Variants in EXT1 observed in about 807,000 individuals in gnomAD.
EXT1 encodes exostosin-1.
In EXT1, 20 loss-of-function variants were observed where a neutral mutation model predicts 82.5. That is an observed-to-expected ratio of 0.24 (90% CI 0.17 to 0.35). The LOEUF is 0.35. EXT1 is among the 10% of genes least tolerant of loss of function. The probability of loss-of-function intolerance (pLI) is 1.00; values close to 1 mark genes in which losing one functional copy is unlikely to be tolerated. For synonymous variants in EXT1, 348 were observed against 350.8 expected (o/e 0.99, Z 0.09); for missense variants, 757 against 936.5 (o/e 0.81, Z 2.50).
At chr8:117,941,648 C>T (rs4876395) in intron 1 of EXT1, among the ~76,000 whole-genome samples, 14,257 of 152,250 alleles carry the variant, frequency 0.094, 980 homozygotes, top group East Asian at 0.2. Context: ...AGAGACCTGG[C>T]ACAGAAGAGC....
At chr8:118,092,952 C>T (rs1432968509) in intron 1 of EXT1, among the ~76,000 whole-genome samples, 1 of 152,148 alleles carries the variant, frequency 6.6e-6, no homozygotes, top group Non-Finnish European at 1.5e-5. Flanking sequence ...CCAGGCCACA[C>T]CATGCCTGGG....
intron 1 of EXT1, among the ~76,000 whole-genome samples, chr8:117,999,545 T>C (rs1487731329): frequency 6.6e-6 from 1 of 152,234 alleles, no homozygotes; most frequent in Admixed American, 6.5e-5. Context: ...TCCTCTAATA[T>C]GCTTAAAATT....
In EXT1 at chr8:117,795,239, G is replaced by C. The variant is rs1823073240; in HGVS notation, c.*4473C>G. 6.6e-6 allele frequency: 1 copy of C among 152,128 alleles called. No homozygotes were observed. Among genetic ancestry groups the C allele is most frequent in the Admixed American group, 6.5e-5 (1 of 15,276 alleles). 9.4% of individuals were successfully genotyped at this position (152,128 alleles called of 1,614,324 possible). A position where few individuals can be genotyped will look rare whatever the true frequency, so the allele number is the denominator to read the frequency against. On this transcript the variant is annotated 3_prime_UTR_variant, in exon 11 of 11. Transcript: ENST00000378204. Reference sequence around the variant, plus strand: ...TTCCAATTCTGGGTAGCTCACTGAGGTTCCTGATATAAAATGTATTGGAAC... The same window carrying C: ...TTCCAATTCTGGGTAGCTCACTGAGCTTCCTGATATAAAATGTATTGGAAC...
In EXT1 at chr8:118,110,276, A is replaced by C. The variant is rs1459918732; in HGVS notation, c.771T>G (p.Pro257=). The part of the protein sequence containing the change: ...ERGFLKFNTI[P]PLRKYMLVFK... Reference sequence around the variant, plus strand: ...ATACCAGCATGTACTTCCTGAGAGGAGGGATGGTGTTGAACTTCAAAAACC... The same window carrying C: ...ATACCAGCATGTACTTCCTGAGAGGCGGGATGGTGTTGAACTTCAAAAACC... Residue 257 remains proline, a synonymous_variant, in exon 1 of 11, where the codon CCT becomes CCG. Coordinates refer to ENST00000378204, the MANE Select transcript of EXT1 (RefSeq NM_000127.3). The C allele has an allele frequency of 1.9e-6, 3 of 1,613,896 alleles. No individual in the cohort carries two copies. Among genetic ancestry groups the C allele is most frequent in the East Asian group, 2.2e-5 (1 of 44,868 alleles).
intron 1 of EXT1, among the ~76,000 whole-genome samples, chr8:117,977,909 C>T (rs1005282070): frequency 6.6e-6 from 1 of 152,160 alleles, no homozygotes; most frequent in African/African-American, 2.4e-5. Context: ...AGGGGAGCTA[C>T]GTATTGTCCA....
chr8:118,110,820 G>A lies in EXT1; in HGVS notation c.227C>T (p.Ser76Phe), dbSNP rs1409426317. The A allele has an allele frequency of 1.2e-6, 2 of 1,612,792 alleles. No homozygotes were observed. Among genetic ancestry groups the A allele is most frequent in the East Asian group, 2.2e-5 (1 of 44,878 alleles). Residue 76 changes from serine (S) to phenylalanine (F), a missense_variant, in exon 1 of 11, where the codon TCC (serine) becomes TTC (phenylalanine). This residue lies in a region of EXT1 where 175 missense variants were observed against 159.0 expected (regional missense o/e 1.10). Coordinates refer to ENST00000378204, the MANE Select transcript of EXT1 (RefSeq NM_000127.3). Reference sequence around the variant, plus strand: ...CTGCCGGGGGGAAATGTGCACGCTGGAATCCTCGTTTTCCAATTGATCCCA... The same window carrying A: ...CTGCCGGGGGGAAATGTGCACGCTGAAATCCTCGTTTTCCAATTGATCCCA... ...VPWDQLENED[S>F]SVHISPRQKR...
At chr8:117,977,092 T>C (rs539962369) in intron 1 of EXT1, among the ~76,000 whole-genome samples, 3 of 152,258 alleles carry the variant, frequency 2.0e-5, no homozygotes, top group African/African-American at 7.2e-5. Flanking sequence ...TTTAAAAAGA[T>C]GACCATATAT....
rs183996606 is a variant in EXT1, at chr8:117,864,046, C to G, written c.963-26845G>C. ...CAACAGGTTGTATGGAATTTTCCTG[C>G]ACTGACATATTAGCAAGACAATTCT... On this transcript the variant is annotated intron_variant, in intron 1 of 10. Transcript: ENST00000378204. 7.2e-5 allele frequency among the ~76,000 whole-genome samples: 11 copies of G among 152,254 alleles called. No individual in the cohort carries two copies. The East Asian group carries it at 2.1e-3, about 29-fold the overall frequency.
rs1251987122 is a variant in EXT1, at chr8:118,111,652, T to C, written c.-606A>G. ...CCAAGACTCCGGCGGTGTTTACTCC[T>C]GCGCTCGCGGGGCCGGCCCCCGGGA... On this transcript the variant is annotated 5_prime_UTR_variant, in exon 1 of 11. Transcript: ENST00000378204. The C allele has an allele frequency of 2.6e-6, 1 of 383,596 alleles. No homozygotes were observed. Among genetic ancestry groups the C allele is most frequent in the Non-Finnish European group, 4.6e-6 (1 of 216,962 alleles). 23.8% of individuals were successfully genotyped at this position (383,596 alleles called of 1,614,324 possible). A position where few individuals can be genotyped will look rare whatever the true frequency, so the allele number is the denominator to read the frequency against.
chr8:117,819,909 TC>T (rs1424564882), intron 5 of EXT1, 115 bp from the exon 6 acceptor site: 1 of 973,018 alleles, frequency 1.0e-6, no homozygotes, highest in Non-Finnish European at 1.6e-6. Context: ...CTGGATGATT[TC>T]TCCTTTGCTT....
chr8:117,901,457 T>G (rs1448201289), intron 1 of EXT1, among the ~76,000 whole-genome samples: 2 of 152,060 alleles, frequency 1.3e-5, no homozygotes, highest in African/African-American at 4.8e-5. Context: ...TCTGGGTGAG[T>G]GAGTGCTGAG....
intron 1 of EXT1, among the ~76,000 whole-genome samples, chr8:117,858,103 G>A (rs916257370): frequency 1.3e-5 from 2 of 152,210 alleles, no homozygotes; most frequent in African/African-American, 2.4e-5. Flanking sequence ...AGCAAATAAA[G>A]TGGTTTCTTG....
chr8:117,930,292 C>T (rs1005752284), intron 1 of EXT1, among the ~76,000 whole-genome samples: 5 of 151,832 alleles, frequency 3.3e-5, no homozygotes, highest in African/African-American at 9.7e-5. Flanking sequence ...ATGTGGGGAG[C>T]GGAAGGGTGG....
At chr8:118,015,082 T>G (rs1815977029) in intron 1 of EXT1, among the ~76,000 whole-genome samples, 3 of 152,218 alleles carry the variant, frequency 2.0e-5, no homozygotes, top group Admixed American at 2.0e-4. Context: ...ACTGACTCAA[T>G]TCATTTTCCT....
intron 1 of EXT1, among the ~76,000 whole-genome samples, chr8:117,917,780 G>A (rs998089869): frequency 1.3e-5 from 2 of 152,192 alleles, no homozygotes; most frequent in Non-Finnish European, 2.9e-5. Flanking sequence ...TTCCATCCCA[G>A]AGGTAGCTGG....
In EXT1 at chr8:117,889,784, GC is replaced by G. The variant is rs545064308; in HGVS notation, c.963-52584del. On this transcript the variant is annotated intron_variant, in intron 1 of 10. Coordinates refer to ENST00000378204, the MANE Select transcript of EXT1 (RefSeq NM_000127.3). ...CTATATTATGGAAGGAAAGCAATGT[GC>G]CAAAGTTATAAAATCATCGTGAGAT... Among the ~76,000 whole-genome samples the G allele has an allele frequency of 3.2e-3, 480 of 152,238 alleles. 4 individuals carry two copies. The highest frequency in any genetic ancestry group is 0.011 in the African/African-American group (456 of 41,550).
intron 1 of EXT1, among the ~76,000 whole-genome samples, chr8:118,069,316 G>A (rs534370053): frequency 6.6e-6 from 1 of 152,234 alleles, no homozygotes; most frequent in African/African-American, 2.4e-5. Flanking sequence ...TCAAAGAGTG[G>A]TCTCACTCTA....
At chr8:118,105,124 G>A (rs527706025) in intron 1 of EXT1, among the ~76,000 whole-genome samples, 2 of 152,294 alleles carry the variant, frequency 1.3e-5, no homozygotes, top group East Asian at 3.9e-4. Flanking sequence ...AGATGGTTGT[G>A]AGCAAAGCAG....
Position 118,021,975 on chromosome 8 carries a change from C to A in EXT1, c.962+88110G>T, listed in dbSNP as rs56028741. ...TCCCTTCATCCTCCAACTTTCAAAT[C>A]CTAATCTTTTTGCTCTTTATCCAAA... is the stretch of plus-strand genomic sequence containing the variant. On this transcript the variant is annotated intron_variant, in intron 1 of 10. Transcript: ENST00000378204. 8.2e-3 allele frequency among the ~76,000 whole-genome samples: 1,246 copies of A among 152,240 alleles called. 10 individuals carry two copies. Among genetic ancestry groups the A allele is most frequent in the Non-Finnish European group, 0.013 (863 of 68,028 alleles).
Sources: allele counts gnomAD v4.1 joint callset (sites outside exome capture counted in the v4.1 genomes callset), GRCh38; gene constraint gnomAD v4.1.1; regional missense constraint gnomAD v4.1.1; transcripts MANE v1.5; gene names NCBI Gene and HGNC (gene_info 2026-07-23, HGNC 2026-07-21).